HYDIN: variants seen among roughly 807,000 people sequenced by gnomAD.
HYDIN encodes HYDIN axonemal central pair apparatus protein.
HYDIN carries 132 observed loss-of-function variants against 403.9 expected under a neutral mutation model. The ratio of observed to expected loss-of-function variants is 0.33; its 90% CI spans 0.28 to 0.38. The LOEUF is 0.38. HYDIN is among the 10% of genes least tolerant of loss of function. The probability of loss-of-function intolerance (pLI) is 1.00; values close to 1 mark genes in which losing one functional copy is unlikely to be tolerated. For missense variants in HYDIN, 2,827 were observed against 5,009.5 expected, an observed-to-expected ratio of 0.56 and a Z score of 13.15; for synonymous variants, 1,202 against 1,891.7, an observed-to-expected ratio of 0.64 and a Z score of 9.46.
rs201149437 is a variant in HYDIN, at chr16:71,094,367, GT to G, written c.1328-433del. Among the ~76,000 whole-genome samples, 641 of 152,300 alleles carry G rather than the reference GT, an allele frequency of 4.2e-3. 5 individuals are homozygous for G. Among genetic ancestry groups the G allele is most frequent in the African/African-American group, 0.015 (621 of 41,548 alleles). On this transcript the variant is annotated intron_variant, in intron 10 of 85. Coordinates refer to ENST00000393567, the MANE Select transcript of HYDIN (RefSeq NM_001270974.2). ...TAACAACAGTCACATGGGTATAACA[GT>G]TATGAGCATACAAGCTGTATTTATA...
intron 21 of HYDIN, among the ~76,000 whole-genome samples, chr16:71,022,326 G>A (rs1402199836): frequency 6.6e-6 from 1 of 152,146 alleles, no homozygotes. Flanking sequence ...CCAAATATCA[G>A]CAGACAGAAT....
intron 1 of HYDIN, among the ~76,000 whole-genome samples, chr16:71,226,222 A>G (rs2041026091): frequency 3.3e-5 from 5 of 152,252 alleles, no homozygotes; most frequent in African/African-American, 1.2e-4. Context: ...TTCATTTGAG[A>G]AACAAAAATT....
At chr16:71,079,756 T>G (rs1597728191) in intron 13 of HYDIN, 129 bp downstream of exon 13, 1 of 543,002 alleles carries the variant, frequency 1.8e-6, no homozygotes, top group East Asian at 3.1e-5. Flanking sequence ...GGGCACATGT[T>G]CTGAATGTCC....
chr16:71,054,068 CTTA>C (rs1273669671), intron 18 of HYDIN, among the ~76,000 whole-genome samples: 1 of 152,222 alleles, frequency 6.6e-6, no homozygotes, highest in African/African-American at 2.4e-5. Flanking sequence ...CACCGCAAAC[CTTA>C]AGGGGAGTGG....
rs549038857 is a variant in HYDIN, at chr16:71,130,783, C to T, written c.1044-960G>A. ...GATTACAGGCGTGAGCCACCGCGCCCGGCCTATATACCGGTTTTCTCCCCC... is the reference window on the plus strand; with the variant it reads ...GATTACAGGCGTGAGCCACCGCGCCTGGCCTATATACCGGTTTTCTCCCCC... On this transcript the variant is annotated intron_variant, in intron 8 of 85. Coordinates refer to ENST00000393567, the MANE Select transcript of HYDIN (RefSeq NM_001270974.2). Among the ~76,000 whole-genome samples the T allele has an allele frequency of 9.3e-5, 14 of 150,998 alleles. 1 individual carries two copies. The South Asian group carries it at 1.0e-3, about 11-fold the overall frequency.
At chr16:70,853,272 T>C (rs1233080143) in intron 73 of HYDIN, among the ~76,000 whole-genome samples, 1 of 152,110 alleles carries the variant, frequency 6.6e-6, no homozygotes, top group African/African-American at 2.4e-5. Context: ...GAATGTAAAA[T>C]GGTTCAGCCA....
At chr16:71,206,863 G>C (rs2088326048) in intron 1 of HYDIN, among the ~76,000 whole-genome samples, 1 of 152,102 alleles carries the variant, frequency 6.6e-6, no homozygotes, top group African/African-American at 2.4e-5. Flanking sequence ...ATAACAGTCA[G>C]ATAAGAATAA....
chr16:70,954,920 G>A (rs1774540), intron 40 of HYDIN, among the ~76,000 whole-genome samples: 1 of 152,166 alleles, frequency 6.6e-6, no homozygotes, highest in Non-Finnish European at 1.5e-5. Context: ...GGTCTGGAAT[G>A]TCCTTGTCCC....
At chr16:71,227,334 G>T (rs1261470669) in intron 1 of HYDIN, among the ~76,000 whole-genome samples, 3 of 151,744 alleles carry the variant, frequency 2.0e-5, no homozygotes, top group Non-Finnish European at 4.4e-5. Context: ...ACAGCTATAA[G>T]AATAAAGTGT....
At chr16:70,964,262 C>A (rs1381178645) in intron 37 of HYDIN, among the ~76,000 whole-genome samples, 4 of 149,642 alleles carry the variant, frequency 2.7e-5, no homozygotes, top group Admixed American at 6.8e-5. Context: ...GCTTTTAGGG[C>A]ACCAGTTTCT....
chr16:71,190,133 T>C (rs764350926), intron 1 of HYDIN, among the ~76,000 whole-genome samples: 5 of 152,126 alleles, frequency 3.3e-5, no homozygotes, highest in Non-Finnish European at 7.4e-5. Flanking sequence ...GAGACCTGGA[T>C]TGTAGTATTC....
At position 70,862,230 on chromosome 16, in the gene HYDIN, A is replaced by G; in HGVS notation, c.11595T>C (p.Ser3865=). 1 of 1,613,002 alleles carries G rather than the reference A, an allele frequency of 6.2e-7. No individual in the cohort carries two copies. The highest frequency in any genetic ancestry group is 1.1e-5 in the South Asian group (1 of 90,934). ...TGCTGCCTGTATGCATCGTGCCCTG[A>G]CTAAGCTGATCTTTTTGAGCTGAAC... ...HQGSAQKDQL[S]QGTMHTGSTL... is the part of the protein sequence containing the mutation. Residue 3865 remains serine (S), a synonymous_variant, in exon 69 of 86, where the codon AGT becomes AGC. Transcript: ENST00000393567.
chr16:71,193,818 T>C (rs1476030726), intron 1 of HYDIN, among the ~76,000 whole-genome samples: 5 of 152,308 alleles, frequency 3.3e-5, no homozygotes, highest in African/African-American at 1.2e-4. Context: ...TTTTTCTTTA[T>C]CTTAAATGTC....
At chr16:70,979,090 G>A (rs2078970502) in intron 29 of HYDIN, 49 bp from the exon 30 acceptor site, 1 of 1,515,908 alleles carries the variant, frequency 6.6e-7, no homozygotes, top group Non-Finnish European at 9.0e-7. Context: ...GAATCAGGAA[G>A]GTCAGAAAAA....
At chr16:71,197,940 G>A (rs916880162) in intron 1 of HYDIN, among the ~76,000 whole-genome samples, 1 of 152,156 alleles carries the variant, frequency 6.6e-6, no homozygotes, top group Non-Finnish European at 1.5e-5. Flanking sequence ...TGGAGATGGG[G>A]TTTCACCATG....
intron 6 of HYDIN, among the ~76,000 whole-genome samples, chr16:71,158,593 GAA>G (rs11364504): frequency 1.6e-5 from 2 of 126,400 alleles, no homozygotes; most frequent in African/African-American, 5.9e-5. Flanking sequence ...TTTTTTCATA[GAA>G]AAAAAAAAAT....
intron 13 of HYDIN, among the ~76,000 whole-genome samples, chr16:71,078,374 C>G (rs1465343502): frequency 6.6e-6 from 1 of 152,060 alleles, no homozygotes; most frequent in Non-Finnish European, 1.5e-5. Context: ...TATGTTTTCC[C>G]CCAACTCATC....
chr16:71,211,439 G>A (rs2088583949), intron 1 of HYDIN, among the ~76,000 whole-genome samples: 1 of 151,378 alleles, frequency 6.6e-6, no homozygotes, highest in Non-Finnish European at 1.5e-5. Flanking sequence ...AGGAGATCGA[G>A]ACCATCCTGG....
intron 13 of HYDIN, among the ~76,000 whole-genome samples, chr16:71,078,825 C>A (rs140127096): frequency 1.3e-5 from 2 of 152,122 alleles, no homozygotes; most frequent in African/African-American, 4.8e-5. Context: ...TTGATGTTGC[C>A]CAGATTTGCT....
Sources: gnomAD v4.1 joint callset for allele counts (sites outside exome capture counted in the v4.1 genomes callset) on GRCh38, gnomAD v4.1.1 for gene constraint, MANE v1.5 for transcripts, NCBI Gene and HGNC (gene_info 2026-07-23, HGNC 2026-07-21) for gene names.